CDK13: variants seen among roughly 807,000 people sequenced by gnomAD.
CDK13 encodes cyclin-dependent kinase 13.
In CDK13, 40 loss-of-function variants were observed where a neutral mutation model predicts 137.6. The observed-to-expected ratio is 0.29, with a 90% CI of 0.23 to 0.38. CDK13 has a LOEUF of 0.38. Ranked by LOEUF, CDK13 falls within the 10% of genes least tolerant of loss-of-function variation. The probability of loss-of-function intolerance (pLI) is 1.00; values close to 1 mark genes in which losing one functional copy is unlikely to be tolerated. For missense variants in CDK13, 1,704 were observed against 1,951.8 expected (o/e 0.87, Z 2.39); for synonymous variants, 869 against 760.1 (o/e 1.14, Z -2.36).
intron 1 of CDK13, among the ~76,000 whole-genome samples, chr7:39,963,619 C>T (rs2116147465): frequency 6.6e-6 from 1 of 152,240 alleles, no homozygotes; most frequent in East Asian, 1.9e-4. Context: ...CCTTTATTTC[C>T]TTCTCCTGCC....
intron 7 of CDK13, among the ~76,000 whole-genome samples, chr7:40,053,892 T>C (rs563821946): frequency 6.6e-6 from 1 of 152,206 alleles, no homozygotes; most frequent in Non-Finnish European, 1.5e-5. Flanking sequence ...GATGTAGGTA[T>C]CATTCTTATG....
intron 2 of CDK13, among the ~76,000 whole-genome samples, chr7:39,996,961 C>CA (rs72210233): frequency 0.19 from 15,542 of 80,848 alleles, 3,419 homozygotes; most frequent in East Asian, 0.7. Context: ...GATTCCATCT[C>CA]AAAAAAAAAA....
At chr7:40,042,289 C>T (rs1394732314) in intron 5 of CDK13, among the ~76,000 whole-genome samples, 1 of 151,772 alleles carries the variant, frequency 6.6e-6, no homozygotes, top group African/African-American at 2.4e-5. Context: ...CCATGTTGGC[C>T]AGGCTGGTCT....
intron 9 of CDK13, among the ~76,000 whole-genome samples, chr7:40,064,859 A>G (rs938693589): frequency 1.4e-5 from 2 of 146,156 alleles, no homozygotes; most frequent in African/African-American, 5.1e-5. Context: ...TGGGGCAGTC[A>G]TGGCTCACTG....
chr7:40,030,901 C>T (rs1037418375), intron 5 of CDK13, among the ~76,000 whole-genome samples: 10 of 152,110 alleles, frequency 6.6e-5, no homozygotes, highest in East Asian at 1.9e-4. Context: ...TACCACAGTT[C>T]GTTGAACCAT....
At chr7:40,055,378 C>A (rs1785991704) in intron 7 of CDK13, among the ~76,000 whole-genome samples, 1 of 151,866 alleles carries the variant, frequency 6.6e-6, no homozygotes, top group African/African-American at 2.4e-5. Flanking sequence ...GCTTTTTGTG[C>A]AAATACTGGG....
At chr7:40,069,348 T>G (rs1786359652) in intron 9 of CDK13, 1 of 456,004 alleles carries the variant, frequency 2.2e-6, no homozygotes, top group African/African-American at 2.0e-5. Context: ...CAAATCTGAC[T>G]ATAATGAGGC....
chr7:40,047,253 T>C lies in CDK13; in HGVS notation c.2544-568T>C, dbSNP rs781172156. Among the ~76,000 whole-genome samples the C allele has an allele frequency of 1.6e-4, 25 of 152,296 alleles. 1 individual carries two copies. The highest frequency in any genetic ancestry group is 3.4e-4 in the African/African-American group (14 of 41,584). ...TACACATTCACATATTTAAAACTTA[T>C]GTAAATAAGCTTAGATTTGTAACAT... On this transcript the variant is annotated intron_variant, in intron 6 of 13. Transcript: ENST00000181839.
At chr7:40,042,477 C>CTCTT (rs1434279602) in intron 5 of CDK13, among the ~76,000 whole-genome samples, 1 of 76,146 alleles carries the variant, frequency 1.3e-5, no homozygotes, top group African/African-American at 5.5e-5. Flanking sequence ...TCTTTTCTTT[C>CTCTT]TTTTTTTTTT....
At chr7:40,043,631 A>G (rs1785663561) in intron 5 of CDK13, among the ~76,000 whole-genome samples, 1 of 152,028 alleles carries the variant, frequency 6.6e-6, no homozygotes, top group African/African-American at 2.4e-5. Flanking sequence ...TAACCTGGGT[A>G]ACATAGAGAG....
intron 7 of CDK13, chr7:40,048,843 C>T (rs1012623997): frequency 2.0e-5 from 3 of 151,164 alleles, no homozygotes; most frequent in African/African-American, 7.4e-5. Context: ...ATATAGTGTT[C>T]TAGAGTAGAG....
At chr7:40,035,536 C>G (rs945904283) in intron 5 of CDK13, among the ~76,000 whole-genome samples, 1 of 151,974 alleles carries the variant, frequency 6.6e-6, no homozygotes, top group Non-Finnish European at 1.5e-5. Flanking sequence ...ACTGCACATG[C>G]AAGGGATCTA....
chr7:40,003,155 C>A (rs1784721432), intron 5 of CDK13, among the ~76,000 whole-genome samples: 1 of 84,584 alleles, frequency 1.2e-5, no homozygotes, highest in South Asian at 5.2e-4. Flanking sequence ...TCCCCAGCTA[C>A]ACACACACAC....
intron 7 of CDK13, among the ~76,000 whole-genome samples, chr7:40,057,135 A>G (rs1388894202): frequency 2.0e-5 from 3 of 152,148 alleles, no homozygotes; most frequent in African/African-American, 7.2e-5. Flanking sequence ...GATGCCTGTA[A>G]TCCCAGCTAC....
intron 5 of CDK13, among the ~76,000 whole-genome samples, chr7:40,034,106 G>C (rs1296448811): frequency 6.6e-6 from 1 of 152,128 alleles, no homozygotes; most frequent in Non-Finnish European, 1.5e-5. Flanking sequence ...CAGGGCTTCT[G>C]GTTGTTAAAA....
rs766567892 is a variant in CDK13 at position 40,094,557 on chromosome 7, A to G, written c.4116A>G (p.Ser1372=). Residue 1372 remains serine (S), a synonymous_variant, in exon 14 of 14, where the codon TCA becomes TCG. Transcript: ENST00000181839. ...PLERRSFIGN[S]DIQSLDNYST... Reference sequence around the variant, plus strand: ...AACGACGTAGTTTCATTGGAAATTCAGATATTCAGTCTTTGGATAACTACA... The same window carrying G: ...AACGACGTAGTTTCATTGGAAATTCGGATATTCAGTCTTTGGATAACTACA... 17 of 1,611,356 alleles carry G rather than the reference A, an allele frequency of 1.1e-5. No homozygotes were observed. Among genetic ancestry groups the G allele is most frequent in the Middle Eastern group, 1.6e-4 (1 of 6,070 alleles).
In CDK13 at chr7:40,047,914, A is replaced by G. The variant is rs559587226; in HGVS notation, c.2600+37A>G. 2.1e-5 allele frequency: 28 copies of G among 1,329,844 alleles called. No individual in the cohort carries two copies. The East Asian group carries it at 5.3e-4, about 25-fold the overall frequency. The allele number at this position is 1,329,844 out of a possible 1,614,324, so 82.4% of individuals were successfully genotyped here. On this transcript the variant is annotated intron_variant, in intron 7 of 13. Transcript: ENST00000181839. ...TTCAAATGAATATTGTAGATACTAG[A>G]GTTTAGTATTAGAAGCTATACTAAG...
rs373438210 is a variant in CDK13, at chr7:40,038,289, G to A, written c.2354-7547G>A. On this transcript the variant is annotated intron_variant, in intron 5 of 13. Coordinates refer to ENST00000181839, the MANE Select transcript of CDK13 (RefSeq NM_003718.5). ...CCATATATGCTGAAGTTTACTCCAT[G>A]TTAGTAGACAAAAATCATTTTGTTA... Among the ~76,000 whole-genome samples, 26 of 152,224 alleles carry A rather than the reference G, an allele frequency of 1.7e-4. 3 individuals are homozygous for A. The highest frequency in any genetic ancestry group is 1.2e-3 in the Admixed American group (19 of 15,278).
In CDK13 at chr7:40,097,572, C is replaced by T. The variant is rs1451407996; in HGVS notation, c.*2592C>T. The T allele has an allele frequency of 6.6e-6, 1 of 151,870 alleles. No individual in the cohort carries two copies. The allele number at this position is 151,870 out of a possible 1,614,324, so 9.4% of individuals were successfully genotyped here. On this transcript the variant is annotated 3_prime_UTR_variant, in exon 14 of 14. Coordinates refer to ENST00000181839, the MANE Select transcript of CDK13 (RefSeq NM_003718.5). Reference sequence around the variant, plus strand: ...AAATTTGAGTGAAATCTAAAGAACACAAAATATTGCTTAAATTTTTTGGAA... The same window carrying T: ...AAATTTGAGTGAAATCTAAAGAACATAAAATATTGCTTAAATTTTTTGGAA...
Sources: allele counts gnomAD v4.1 joint callset (sites outside exome capture counted in the v4.1 genomes callset), GRCh38; gene constraint gnomAD v4.1.1; transcripts MANE v1.5; gene names NCBI Gene and HGNC (gene_info 2026-07-23, HGNC 2026-07-21).